The following USH1C variants were observed in gnomAD, a reference collection of about 807,000 sequenced individuals.
The protein encoded by USH1C is USH1 protein network component harmonin.
Under a neutral mutation model 119.3 loss-of-function variants are expected in USH1C, and 90 were observed. The ratio of observed to expected loss-of-function variants is 0.75; its 90% CI spans 0.64 to 0.90. USH1C has a LOEUF of 0.90. Among genes scored for constraint, USH1C ranks in the 40% least tolerant of loss-of-function variants. The pLI is 0.00. For synonymous variants in USH1C, 465 were observed against 443.3 expected (o/e 1.05, Z -0.62); for missense variants, 1,165 against 1,167.7 (o/e 1.00, Z 0.03).
rs375973884 is a variant in USH1C, at chr11:17,498,261, C to T, written c.2391G>A (p.Val797=). 8 of 1,614,050 alleles carry T rather than the reference C, an allele frequency of 5.0e-6. No homozygotes were observed. The highest frequency in any genetic ancestry group is 1.3e-5 in the African/African-American group (1 of 74,930). The change falls in exon 24 of 27, where the codon GTG becomes GTA. Residue 797 remains valine, a synonymous_variant. Transcript: ENST00000005226. ...RGAAERHGGI[V]KGDEIMAING... Reference sequence around the variant, plus strand: ...TGATTGCCATGATCTCGTCCCCTTTCACAATGCCACCTGCAGGCAGATGAG... The same window carrying T: ...TGATTGCCATGATCTCGTCCCCTTTTACAATGCCACCTGCAGGCAGATGAG...
chr11:17,532,239 T>C (rs969694831), intron 2 of USH1C, among the ~76,000 whole-genome samples: 3 of 152,222 alleles, frequency 2.0e-5, no homozygotes, highest in African/African-American at 7.2e-5. Flanking sequence ...CTTTGGCTGA[T>C]GCTGATCCCT....
intron 20 of USH1C, 76 bp downstream of exon 20, chr11:17,504,571 G>C: frequency 1.3e-6 from 2 of 1,528,724 alleles, no homozygotes; most frequent in Non-Finnish European, 1.8e-6. Flanking sequence ...TACTCCCAGA[G>C]AGAAAGAAGT....
chr11:17,521,365 A>G lies in USH1C; in HGVS notation c.1066T>C (p.Tyr356His), dbSNP rs1372392561. ...ACTCACTGTTCCATCTCCTTCCGGT[A>G]TCTCTCATTTTCCTCTGCTGCCTTC... ...AQKAAEENER[Y>H]RKEMEQIVEE... Residue 356 changes from tyrosine (Y) to histidine (H), a missense_variant, in exon 13 of 27, where the codon TAC becomes CAC. Coordinates refer to ENST00000005226, the MANE Select transcript of USH1C (RefSeq NM_153676.4). 1.9e-6 allele frequency: 3 copies of G among 1,614,024 alleles called. No individual in the cohort carries two copies. The highest frequency in any genetic ancestry group is 1.7e-5 in the Admixed American group (1 of 60,008).
chr11:17,514,137 T>C (rs1850027546), intron 15 of USH1C, among the ~76,000 whole-genome samples: 1 of 152,256 alleles, frequency 6.6e-6, no homozygotes, highest in African/African-American at 2.4e-5. Context: ...GCACAAATTC[T>C]GTGGGGCCAA....
chr11:17,505,014 C>G (rs1849595180), intron 19 of USH1C, among the ~76,000 whole-genome samples: 1 of 152,204 alleles, frequency 6.6e-6, no homozygotes, highest in South Asian at 2.1e-4. Flanking sequence ...GCTGTCCTGC[C>G]CTGACATTTG....
chr11:17,533,421 G>T, intron 1 of USH1C, 99 bp from the exon 2 acceptor site: 1 of 847,596 alleles, frequency 1.2e-6, no homozygotes, highest in Non-Finnish European at 2.0e-6. Flanking sequence ...CTCCCCAGCA[G>T]CTTTTCAGGG....
Position 17,516,363 on chromosome 11 carries a change from A to G in USH1C, c.1211-73T>C, listed in dbSNP as rs146607260. 2.8e-4 allele frequency: 414 copies of G among 1,478,488 alleles called. 3 individuals carry two copies. The East Asian group carries it at 9.0e-3, about 32-fold the overall frequency. The allele number at this position is 1,478,488 out of a possible 1,614,324, so 91.6% of individuals were successfully genotyped here. ...AGAGCATCCATGGGCAGCAGATGGG[A>G]GCTGGGTTCCCAAGGAATGCATGAC... On this transcript the variant is annotated intron_variant, in intron 14 of 26. Transcript: ENST00000005226.
At chr11:17,521,454 A>G (rs1415630076) in intron 12 of USH1C, 43 bp from the exon 13 acceptor site, 10 of 1,581,660 alleles carry the variant, frequency 6.3e-6, no homozygotes, top group Non-Finnish European at 8.7e-6. Flanking sequence ...CCTATGCAAG[A>G]GAAATGAACT....
chr11:17,504,592 G>T, intron 20 of USH1C, 55 bp downstream of exon 20: 1 of 1,585,012 alleles, frequency 6.3e-7, no homozygotes, highest in Non-Finnish European at 8.7e-7. Flanking sequence ...GGCACAGAGT[G>T]GGAGGGACGG....
At position 17,501,996 on chromosome 11, in the gene USH1C, G is replaced by A. The variant is rs751354155; in HGVS notation, c.2185-16C>T. The A allele has an allele frequency of 1.1e-5, 17 of 1,613,194 alleles. No individual in the cohort carries two copies. The highest frequency in any genetic ancestry group is 1.4e-5 in the Non-Finnish European group (16 of 1,179,606). On this transcript the variant is annotated splice_polypyrimidine_tract_variant and intron_variant, in intron 20 of 26. Coordinates refer to ENST00000005226, the MANE Select transcript of USH1C (RefSeq NM_153676.4). ...TCCGGAAATCCTGGAAGCAAAGGGAGGGCTTTAGGGCAACACAGCAGAGGG... is the reference window on the plus strand; with the variant it reads ...TCCGGAAATCCTGGAAGCAAAGGGAAGGCTTTAGGGCAACACAGCAGAGGG...
Position 17,504,515 on chromosome 11 carries a change from G to A in USH1C, c.2184+132C>T, listed in dbSNP as rs560225328. The A allele has an allele frequency of 3.7e-4, 362 of 990,664 alleles. 2 individuals are homozygous for A. The African/African-American group carries it at 5.1e-3, about 14-fold the overall frequency. 61.4% of individuals were successfully genotyped at this position (990,664 alleles called of 1,614,324 possible). A position where few individuals can be genotyped will look rare whatever the true frequency, so the allele number is the denominator to read the frequency against. On this transcript the variant is annotated intron_variant, in intron 20 of 26. Coordinates refer to ENST00000005226, the MANE Select transcript of USH1C (RefSeq NM_153676.4). ...CGCAGGCAATGGAGGACACAGCTCT[G>A]GCCTGAGGCTTGGTGGCAGATGGGG...
At chr11:17,542,015 T>C (rs1424669270) in intron 1 of USH1C, among the ~76,000 whole-genome samples, 3 of 152,292 alleles carry the variant, frequency 2.0e-5, no homozygotes, top group South Asian at 4.1e-4. Flanking sequence ...GGACATTTCT[T>C]GAGAGCTCCC....
chr11:17,522,203 C>T (rs1850444215), intron 12 of USH1C, among the ~76,000 whole-genome samples: 1 of 152,174 alleles, frequency 6.6e-6, no homozygotes, highest in Non-Finnish European at 1.5e-5. Flanking sequence ...TTATGAATTG[C>T]TCACCCCATT....
Position 17,501,554 on chromosome 11 carries a change from T to C in USH1C, c.2227-19A>G. 6.2e-7 allele frequency: 1 copy of C among 1,608,298 alleles called. No homozygotes were observed. The highest frequency in any genetic ancestry group is 1.1e-5 in the South Asian group (1 of 89,958). On this transcript the variant is annotated intron_variant, in intron 21 of 26. Coordinates refer to ENST00000005226, the MANE Select transcript of USH1C (RefSeq NM_153676.4). ...GGGTGAACTAGAGAGAAAAAGACAG[T>C]GGGAAGCTTTGAGCTGGCCTGAAGG... is the stretch of plus-strand genomic sequence containing the variant.
At chr11:17,505,505 C>G (rs1849614720) in intron 19 of USH1C, among the ~76,000 whole-genome samples, 1 of 152,248 alleles carries the variant, frequency 6.6e-6, no homozygotes, top group African/African-American at 2.4e-5. Flanking sequence ...CAGGAACCAT[C>G]TCACAGTCCT....
intron 20 of USH1C, among the ~76,000 whole-genome samples, chr11:17,502,607 C>T (rs552411642): frequency 1.4e-4 from 22 of 152,318 alleles, no homozygotes; most frequent in African/African-American, 3.6e-4. Context: ...TTCTGCGGAG[C>T]GCAGGTTGGC....
At position 17,494,225 on chromosome 11, in the gene USH1C, T is replaced by G; in HGVS notation, c.*107A>C. ...CCAAAGGGAGTTTGAGATTCCTGGG[T>G]GATAGATTCAGGTCCCAAGGATGCC... is the stretch of plus-strand genomic sequence containing the variant. On this transcript the variant is annotated 3_prime_UTR_variant, in exon 27 of 27. Coordinates refer to ENST00000005226, the MANE Select transcript of USH1C (RefSeq NM_153676.4). 9 of 1,356,940 alleles carry G rather than the reference T, an allele frequency of 6.6e-6. No homozygotes were observed. The South Asian group carries it at 1.1e-4, about 17-fold the overall frequency. 84.1% of individuals were successfully genotyped at this position (1,356,940 alleles called of 1,614,324 possible).
chr11:17,531,140 C>T lies in USH1C; in HGVS notation c.387+14G>A, dbSNP rs758398718. 7 of 1,613,902 alleles carry T rather than the reference C, an allele frequency of 4.3e-6. No homozygotes were observed. The highest frequency in any genetic ancestry group is 5.9e-6 in the Non-Finnish European group (7 of 1,180,016). On this transcript the variant is annotated intron_variant, in intron 4 of 26. Transcript: ENST00000005226. This position sits in a 1 kb window ranked among gnomAD's most constrained non-coding sequence, Gnocchi z 4.2. ...AGGCCCTCGCTCCCCCTCCCCCGGA[C>T]TCTGTTTGCTCACCTGGAGCCCGAC...
intron 5 of USH1C, 67 bp downstream of exon 5, chr11:17,527,156 G>GA: frequency 2.7e-6 from 2 of 754,658 alleles, no homozygotes; most frequent in Non-Finnish European, 3.4e-6. Flanking sequence ...ATGGAGTACT[G>GA]CCCTGCTCCC....
Sources: gnomAD v4.1 joint callset for allele counts (sites outside exome capture counted in the v4.1 genomes callset) on GRCh38, gnomAD v4.1.1 for gene constraint, Gnocchi (gnomAD v3.1) non-coding constraint, MANE v1.5 for transcripts, NCBI Gene and HGNC (gene_info 2026-07-23, HGNC 2026-07-21) for gene names.